LPP: variants seen among roughly 807,000 people sequenced by gnomAD.
LPP encodes the protein lipoma-preferred partner.
A neutral mutation model predicts 60.4 loss-of-function variants in LPP; 38 were observed. The observed-to-expected ratio is 0.63, with a 90% CI of 0.49 to 0.83. The LOEUF (loss-of-function observed/expected upper bound fraction) is 0.83. LPP is among the 40% of genes least tolerant of loss of function. The pLI, the probability that LPP is intolerant of heterozygous loss-of-function variation, is 0.00. For missense variants in LPP, 902 were observed against 783.6 expected (o/e 1.15, Z -1.80); for synonymous variants, 328 against 290.8 (o/e 1.13, Z -1.30).
intron 9 of LPP, among the ~76,000 whole-genome samples, chr3:188,770,891 G>A (rs558052779): frequency 6.6e-6 from 1 of 152,208 alleles, no homozygotes; most frequent in South Asian, 2.1e-4. Flanking sequence ...AACAATAAGA[G>A]CAAACCAGTT....
intron 9 of LPP, among the ~76,000 whole-genome samples, chr3:188,770,545 A>G (rs10513829): frequency 0.29 from 44,084 of 151,730 alleles, 7,094 homozygotes; most frequent in South Asian, 0.55. Context: ...TGGACTCCAT[A>G]TTAGTACGGT....
At chr3:188,470,407 G>T (rs1322112074) in intron 4 of LPP, among the ~76,000 whole-genome samples, 1 of 151,700 alleles carries the variant, frequency 6.6e-6, no homozygotes, top group Non-Finnish European at 1.5e-5. Context: ...TATTGGGCTA[G>T]AATTTATGGG....
chr3:188,408,685 T>A (rs1229913822), intron 4 of LPP, among the ~76,000 whole-genome samples: 1 of 152,208 alleles, frequency 6.6e-6, no homozygotes, highest in Non-Finnish European at 1.5e-5. Flanking sequence ...ATATTGAACA[T>A]GTAGTATATG....
chr3:188,768,680 A>G (rs1166583211), intron 9 of LPP, among the ~76,000 whole-genome samples: 1 of 152,224 alleles, frequency 6.6e-6, no homozygotes, highest in East Asian at 1.9e-4. Flanking sequence ...AAAGATATGA[A>G]GCATAATGAC....
At chr3:188,274,988 C>T (rs1739151658) in intron 2 of LPP, among the ~76,000 whole-genome samples, 1 of 152,156 alleles carries the variant, frequency 6.6e-6, no homozygotes, top group Admixed American at 6.5e-5. Context: ...TCTAGGTAAG[C>T]CTAATTCAGT....
At chr3:188,424,443 T>A (rs537892568) in intron 4 of LPP, among the ~76,000 whole-genome samples, 1 of 152,188 alleles carries the variant, frequency 6.6e-6, no homozygotes, top group Non-Finnish European at 1.5e-5. Context: ...TATGGGCTTT[T>A]TTTTGGTTCC....
At chr3:188,702,354 T>TC (rs928538830) in intron 7 of LPP, among the ~76,000 whole-genome samples, 6 of 151,238 alleles carry the variant, frequency 4.0e-5, no homozygotes, top group African/African-American at 9.7e-5. Flanking sequence ...TTTTTTTTTT[T>TC]CCGGCTGTTG....
chr3:188,395,353 G>A (rs1780671275), intron 3 of LPP, among the ~76,000 whole-genome samples: 1 of 151,976 alleles, frequency 6.6e-6, no homozygotes, highest in African/African-American at 2.4e-5. Context: ...CGAGTAGCTG[G>A]GATTAGAGAG....
At chr3:188,762,704 C>T (rs56391726) in intron 9 of LPP, among the ~76,000 whole-genome samples, 4,665 of 151,934 alleles carry the variant, frequency 0.031, 87 homozygotes, top group South Asian at 0.082. Context: ...GAAAACTATC[C>T]GGGAGATATT....
At chr3:188,853,768 G>GT (rs1424708441) in intron 9 of LPP, among the ~76,000 whole-genome samples, 1 of 151,800 alleles carries the variant, frequency 6.6e-6, no homozygotes, top group Non-Finnish European at 1.5e-5. Context: ...CTCTGTTAAA[G>GT]TTGCTTCCTA....
intron 7 of LPP, among the ~76,000 whole-genome samples, chr3:188,642,685 C>A (rs1330941221): frequency 6.6e-6 from 1 of 151,968 alleles, no homozygotes; most frequent in East Asian, 1.9e-4. Flanking sequence ...ACTTGTAATC[C>A]CAGCACTTTG....
At chr3:188,448,637 G>A (rs554474330) in intron 4 of LPP, among the ~76,000 whole-genome samples, 1 of 152,226 alleles carries the variant, frequency 6.6e-6, no homozygotes, top group Admixed American at 6.5e-5. Context: ...TGGGACTTGG[G>A]TAGGAGACTG....
chr3:188,341,914 A>C (rs1763161301), intron 3 of LPP, among the ~76,000 whole-genome samples, 195 bp downstream of exon 3: 1 of 152,076 alleles, frequency 6.6e-6, no homozygotes, highest in Non-Finnish European at 1.5e-5. Flanking sequence ...TTTCCCTTTT[A>C]ATTCATAGCC....
intron 2 of LPP, among the ~76,000 whole-genome samples, chr3:188,306,339 A>G (rs1222642956): frequency 1.3e-5 from 2 of 151,518 alleles, no homozygotes; most frequent in African/African-American, 2.4e-5. Context: ...TCCACCCACC[A>G]TGCCCTCCCA....
intron 1 of LPP, among the ~76,000 whole-genome samples, chr3:188,201,366 G>A (rs1266883387): frequency 1.3e-5 from 2 of 152,118 alleles, no homozygotes; most frequent in Admixed American, 6.5e-5. Context: ...TCTGTGATCC[G>A]GTGATTCTCT....
At chr3:188,628,166 A>G (rs563615465) in intron 7 of LPP, among the ~76,000 whole-genome samples, 4 of 152,162 alleles carry the variant, frequency 2.6e-5, no homozygotes, top group Non-Finnish European at 5.9e-5. Flanking sequence ...AAATCTCAAC[A>G]ACCTAACATC....
At chr3:188,710,423 A>G (rs1432911412) in intron 8 of LPP, 1 of 152,194 alleles carries the variant, frequency 6.6e-6, no homozygotes, top group African/African-American at 2.4e-5. Context: ...AATGTTCTCT[A>G]GCATTTCTTT....
At chr3:188,379,468 C>T (rs1256463306) in intron 3 of LPP, among the ~76,000 whole-genome samples, 4 of 152,082 alleles carry the variant, frequency 2.6e-5, no homozygotes, top group East Asian at 1.9e-4. Flanking sequence ...GTTACACAGC[C>T]GTCACCAAGA....
intron 6 of LPP, among the ~76,000 whole-genome samples, chr3:188,602,950 G>C (rs773039007): frequency 1.3e-5 from 2 of 151,244 alleles, no homozygotes; most frequent in Non-Finnish European, 2.9e-5. Context: ...AACTTCAACT[G>C]GGAATTGTAA....
Sources: allele counts gnomAD v4.1 joint callset (sites outside exome capture counted in the v4.1 genomes callset), GRCh38; gene constraint gnomAD v4.1.1; transcripts MANE v1.5; gene names NCBI Gene and HGNC (gene_info 2026-07-23, HGNC 2026-07-21).